Variants in PHKG1 observed in about 807,000 individuals in gnomAD.
The protein encoded by PHKG1 is phosphorylase kinase catalytic subunit gamma 1, also known as phosphorylase b kinase gamma catalytic chain, skeletal muscle/heart isoform.
PHKG1 carries 48 observed loss-of-function variants against 50.5 expected under a neutral mutation model. That is an observed-to-expected ratio of 0.95 (90% CI 0.75 to 1.21). The LOEUF (loss-of-function observed/expected upper bound fraction) is 1.21, where lower values mean the gene tolerates loss of function less well. Among genes scored for constraint, PHKG1 ranks in the 50% most tolerant of loss-of-function variants. PHKG1 has a pLI of 0.00. For missense variants in PHKG1, 487 were observed against 519.5 expected (o/e 0.94, Z 0.61); for synonymous variants, 204 against 212.8 (o/e 0.96, Z 0.36).
At chr7:56,087,952 C>T (rs187442722) in intron 2 of PHKG1, among the ~76,000 whole-genome samples, 176 bp from the exon 3 acceptor site, 9 of 150,950 alleles carry the variant, frequency 6.0e-5, no homozygotes, top group Admixed American at 4.6e-4. Context: ...GGTGATTTGC[C>T]CAGAACTGGT....
intron 1 of PHKG1, among the ~76,000 whole-genome samples, chr7:56,089,393 C>T (rs1388945865): frequency 2.0e-5 from 3 of 151,570 alleles, no homozygotes; most frequent in Non-Finnish European, 2.9e-5. Flanking sequence ...CAGCCAGACT[C>T]CGGCTCAAAA....
In PHKG1 at chr7:56,092,907, G is replaced by C. The variant is rs1371683193; in HGVS notation, c.-106C>G. ...AGCCCCCCGGGGAGAGGGGACCACA[G>C]AGGGCTGAAGCCGTGTCCCGAGCAG... On this transcript the variant is annotated 5_prime_UTR_variant, in exon 1 of 10. Coordinates refer to ENST00000297373, the MANE Select transcript of PHKG1 (RefSeq NM_006213.5). 1 of 152,264 alleles carries C rather than the reference G, an allele frequency of 6.6e-6. No homozygotes were observed. The highest frequency in any genetic ancestry group is 1.5e-5 in the Non-Finnish European group (1 of 68,066). 9.4% of individuals were successfully genotyped at this position (152,264 alleles called of 1,614,324 possible).
chr7:56,084,198 C>T, intron 4 of PHKG1: 3 of 1,535,002 alleles, frequency 2.0e-6, no homozygotes, highest in Non-Finnish European at 2.6e-6. Flanking sequence ...GAGTCCCAGC[C>T]CAAGCACCAT....
At position 56,083,678 on chromosome 7, in the gene PHKG1, T is replaced by G. The variant is rs111589508; in HGVS notation, c.355A>C (p.Lys119Gln). 3.9e-5 allele frequency: 62 copies of G among 1,586,162 alleles called. 2 individuals carry two copies. In the African/African-American group the frequency reaches 4.6e-4, roughly 12 times the overall value. Residue 119 changes from lysine (K) to glutamine (Q), a missense_variant, in exon 5 of 10, where the codon AAG becomes CAG. Lys to Gln is a moderately conservative substitution (Grantham distance 53). Coordinates refer to ENST00000297373, the MANE Select transcript of PHKG1 (RefSeq NM_006213.5). ...RGELFDYLTE[K>Q]VTLSEKETRK... is the part of the protein sequence containing the mutation. ...GTTTCCTTCTCACTCAAGGTGACCTTCTCAGTGAGGTAGTCAAAGAGCTCC... is the reference window on the plus strand; with the variant it reads ...GTTTCCTTCTCACTCAAGGTGACCTGCTCAGTGAGGTAGTCAAAGAGCTCC...
At position 56,082,030 on chromosome 7, in the gene PHKG1, T is replaced by C. The variant is rs1354043119; in HGVS notation, c.655A>G (p.Ile219Val). ...GAGCCGGCCAGCAGCGTGTACATGATGACGCCAGTGCTCCACCTGGACATG... is the reference window on the plus strand; with the variant it reads ...GAGCCGGCCAGCAGCGTGTACATGACGACGCCAGTGCTCCACCTGGACATG... ...KEVDMWSTGV[I>V]MYTLLAGSPP... The change falls in exon 8 of 10, where the codon ATC (isoleucine) becomes GTC (valine). Residue 219 changes from isoleucine to valine, a missense_variant. Coordinates refer to ENST00000297373, the MANE Select transcript of PHKG1 (RefSeq NM_006213.5). 7 of 1,613,374 alleles carry C rather than the reference T, an allele frequency of 4.3e-6. No individual in the cohort carries two copies. Among genetic ancestry groups the C allele is most frequent in the Non-Finnish European group, 5.9e-6 (7 of 1,179,582 alleles).
chr7:56,088,916 T>C lies in PHKG1; in HGVS notation c.26A>G (p.Asp9Gly). 1 of 1,613,548 alleles carries C rather than the reference T, an allele frequency of 6.2e-7. No homozygotes were observed. Among genetic ancestry groups the C allele is most frequent in the South Asian group, 1.1e-5 (1 of 91,036 alleles). Residue 9 changes from aspartate to glycine, a missense_variant, in exon 2 of 10, where the codon GAC (aspartate) becomes GGC (glycine). By Grantham distance (94) the Asp-to-Gly change is moderately conservative (BLOSUM62 -1). Transcript: ENST00000297373. MTRDEALP[D>G]SHSAQDFYEN... is the part of the protein sequence containing the mutation. ...ATAGAAGTCCTGTGCAGAATGAGAG[T>C]CCGGCAGTGCCTCGTCCCGGGTCAT...
intron 1 of PHKG1, 88 bp from the exon 2 acceptor site, chr7:56,089,063 A>C: frequency 1.5e-6 from 1 of 664,452 alleles, no homozygotes; most frequent in Non-Finnish European, 2.7e-6. Flanking sequence ...ACTCATCCTT[A>C]CATCTCCTGG....
At chr7:56,083,105 CAA>C (rs374270655) in intron 6 of PHKG1, 171 bp downstream of exon 6, 11,718 of 423,796 alleles carry the variant, frequency 0.028, no homozygotes, top group South Asian at 0.038. Flanking sequence ...GACTCCATCT[CAA>C]AAAAAAAAAA....
chr7:56,083,051 A>G (rs1796087902), intron 6 of PHKG1: 3 of 451,568 alleles, frequency 6.6e-6, no homozygotes, highest in Non-Finnish European at 8.0e-6. Context: ...AGTTGCAGTG[A>G]GCCGAGATTG....
In PHKG1 at chr7:56,081,794, A is replaced by G; in HGVS notation, c.793-39T>C. 6.5e-7 allele frequency: 1 copy of G among 1,547,264 alleles called. No homozygotes were observed. The highest frequency in any genetic ancestry group is 8.8e-7 in the Non-Finnish European group (1 of 1,133,412). On this transcript the variant is annotated intron_variant, in intron 8 of 9. Transcript: ENST00000297373. The surrounding 1 kb of genome is among the most constrained non-coding windows in gnomAD (Gnocchi z 4.6). ...AGAGGGGAACCGAGAATGTCAAGGCAGGTCCCCTCCAGCATGTCAGGAAAG... is the reference window on the plus strand; with the variant it reads ...AGAGGGGAACCGAGAATGTCAAGGCGGGTCCCCTCCAGCATGTCAGGAAAG...
At chr7:56,083,560 A>C in intron 5 of PHKG1, 90 bp downstream of exon 5, 2 of 1,489,034 alleles carry the variant, frequency 1.3e-6, no homozygotes, top group Non-Finnish European at 1.9e-6. Flanking sequence ...CAGCCCAGAC[A>C]TGTGCACGCC....
At position 56,088,934 on chromosome 7, in the gene PHKG1, C is replaced by T. The variant is rs200186158; in HGVS notation, c.8G>A (p.Arg3Gln). 4.3e-5 allele frequency: 69 copies of T among 1,612,362 alleles called. No individual in the cohort carries two copies. Among genetic ancestry groups the T allele is most frequent in the Non-Finnish European group, 5.6e-5 (66 of 1,178,758 alleles). The change falls in exon 2 of 10, where the codon CGG becomes CAG. Residue 3 changes from arginine (R) to glutamine (Q), a missense_variant. Physicochemically the swap from Arg to Gln is conservative, Grantham distance 43. Transcript: ENST00000297373. Reference protein sequence around the residue: MTRDEALPDSHSA... With the variant: MTQDEALPDSHSA... ...ATGAGAGTCCGGCAGTGCCTCGTCC[C>T]GGGTCATGCTCAGATCTTCAGTGAG...
At position 56,081,215 on chromosome 7, in the gene PHKG1, G is replaced by T. The variant is rs368652644; in HGVS notation, c.1003C>A (p.Arg335=). The T allele has an allele frequency of 6.2e-7, 1 of 1,613,804 alleles. No individual in the cohort carries two copies. Among genetic ancestry groups the T allele is most frequent in the South Asian group, 1.1e-5 (1 of 91,068 alleles). ...AGAGGCCGGAGGGCATAGGGGTCTC[G>T]GATGACGATCTCCCGGGTCACAGGC... ...VKPVTREIVI[R]DPYALRPLRR... is the part of the protein sequence containing the mutation. The change falls in exon 10 of 10, where the codon CGA becomes AGA. Residue 335 remains arginine (R), a synonymous_variant. Transcript: ENST00000297373. The surrounding 1 kb of genome is among the most constrained non-coding windows in gnomAD (Gnocchi z 4.6).
In PHKG1 at chr7:56,083,414, C is replaced by G. The variant is rs1420506721; in HGVS notation, c.411G>C (p.Val137=). 1.4e-5 allele frequency: 23 copies of G among 1,614,064 alleles called. No homozygotes were observed. In the Admixed American group the frequency reaches 3.3e-4, roughly 23 times the overall value. The change falls in exon 6 of 10, where the codon GTG becomes GTC. Residue 137 remains valine, a synonymous_variant. Coordinates refer to ENST00000297373, the MANE Select transcript of PHKG1 (RefSeq NM_006213.5). The part of the protein sequence containing the change: ...TRKIMRALLE[V]ICTLHKLNIV... ...TGTTGAGTTTGTGCAAGGTGCAGAT[C>G]ACCTCCAGCAGAGCTCGCATGATCT...
chr7:56,084,981 G>T (rs892889541), intron 4 of PHKG1, among the ~76,000 whole-genome samples: 1 of 152,114 alleles, frequency 6.6e-6, no homozygotes, highest in Non-Finnish European at 1.5e-5. Flanking sequence ...GGAGGGGTCC[G>T]AGAAAGTCTT....
chr7:56,082,020 G>A lies in PHKG1; in HGVS notation c.665C>T (p.Thr222Met), dbSNP rs774056941. The change falls in exon 8 of 10, where the codon ACG becomes ATG. Residue 222 changes from threonine (T) to methionine (M), a missense_variant. Physicochemically the swap from Thr to Met is moderately conservative, Grantham distance 81. Transcript: ENST00000297373. ...DMWSTGVIMY[T>M]LLAGSPPFWH... ...GAAGGGCGGGGAGCCGGCCAGCAGC[G>A]TGTACATGATGACGCCAGTGCTCCA... 25 of 1,613,690 alleles carry A rather than the reference G, an allele frequency of 1.5e-5. No homozygotes were observed. Among genetic ancestry groups the A allele is most frequent in the Middle Eastern group, 1.6e-4 (1 of 6,082 alleles).
At chr7:56,084,714 G>A (rs766925152) in intron 4 of PHKG1, among the ~76,000 whole-genome samples, 7 of 152,056 alleles carry the variant, frequency 4.6e-5, no homozygotes, top group African/African-American at 1.4e-4. Flanking sequence ...GGGAAGAATC[G>A]GCTGTGCAAG....
intron 6 of PHKG1, 65 bp from the exon 7 acceptor site, chr7:56,082,318 C>T (rs1045533088): frequency 6.3e-5 from 80 of 1,264,674 alleles, no homozygotes; most frequent in South Asian, 2.4e-4. Context: ...CCAGGCTGGC[C>T]GCAGTGGCTC....
At chr7:56,086,532 A>G (rs528298213) in intron 4 of PHKG1, among the ~76,000 whole-genome samples, 1 of 152,064 alleles carries the variant, frequency 6.6e-6, no homozygotes, top group East Asian at 1.9e-4. Flanking sequence ...CTCGTAGCCC[A>G]GGCTGGAGTT....
Sources: allele counts gnomAD v4.1 joint callset (sites outside exome capture counted in the v4.1 genomes callset), GRCh38; gene constraint gnomAD v4.1.1; non-coding constraint Gnocchi (gnomAD v3.1); transcripts MANE v1.5; gene names NCBI Gene and HGNC (gene_info 2026-07-23, HGNC 2026-07-21).